Variants in MEGF6 observed in about 807,000 individuals in gnomAD.
MEGF6 encodes the protein multiple epidermal growth factor-like domains protein 6.
A neutral mutation model predicts 207.1 loss-of-function variants in MEGF6; 184 were observed. That is an observed-to-expected ratio of 0.89 (90% confidence interval 0.79 to 1.00). MEGF6 has a LOEUF of 1.00. Among genes scored for constraint, MEGF6 ranks in the 50% least tolerant of loss-of-function variants. The probability of loss-of-function intolerance (pLI) is 0.00; values close to 1 mark genes in which losing one functional copy is unlikely to be tolerated. For synonymous variants in MEGF6, 1,038 were observed against 910.0 expected (o/e 1.14, Z -2.53); for missense variants, 2,282 against 2,202.9 (o/e 1.04, Z -0.72).
intron 5 of MEGF6, among the ~76,000 whole-genome samples, chr1:3,521,470 A>G (rs986386070): frequency 2.6e-5 from 4 of 152,136 alleles, no homozygotes; most frequent in African/African-American, 9.7e-5. Context: ...GCCCTTGGCC[A>G]GGAGCTGAGA....
At chr1:3,546,611 G>T (rs1353189753) in intron 4 of MEGF6, among the ~76,000 whole-genome samples, 2 of 149,492 alleles carry the variant, frequency 1.3e-5, no homozygotes, top group African/African-American at 5.0e-5. Flanking sequence ...TGGGAAGGAG[G>T]GTGCCAGGGA....
At chr1:3,530,716 T>A (rs1473120124) in intron 4 of MEGF6, among the ~76,000 whole-genome samples, 1 of 152,002 alleles carries the variant, frequency 6.6e-6, no homozygotes, top group African/African-American at 2.4e-5. Flanking sequence ...GCTCCGGGGG[T>A]CTCAAAGGGC....
chr1:3,603,201 C>A (rs1473197158), intron 1 of MEGF6, among the ~76,000 whole-genome samples: 2 of 152,254 alleles, frequency 1.3e-5, no homozygotes, highest in African/African-American at 2.4e-5. Flanking sequence ...AGCCCAGAGG[C>A]TGCATAAACC....
chr1:3,541,814 G>T (rs983535506), intron 4 of MEGF6, among the ~76,000 whole-genome samples: 1 of 152,046 alleles, frequency 6.6e-6, no homozygotes, highest in Non-Finnish European at 1.5e-5. Context: ...GGGCACAGGG[G>T]CTCCCTGGGG....
intron 17 of MEGF6, among the ~76,000 whole-genome samples, chr1:3,503,616 CA>C (rs1354782303): frequency 6.6e-6 from 1 of 152,030 alleles, no homozygotes; most frequent in Non-Finnish European, 1.5e-5. Context: ...TCACAGGCAT[CA>C]GGGGAGGGTG....
chr1:3,615,704 T>C (rs933722998), upstream of MEGF6, among the ~76,000 whole-genome samples: 6 of 152,228 alleles, frequency 3.9e-5, no homozygotes, highest in Admixed American at 6.5e-5. Flanking sequence ...GCACCTGGCA[T>C]GGAAGCCCGC....
At chr1:3,496,131 C>T in intron 29 of MEGF6, 113 bp from the exon 30 acceptor site, 1 of 1,397,610 alleles carries the variant, frequency 7.2e-7, no homozygotes, top group Admixed American at 3.0e-5. Flanking sequence ...TGGGTCTGCC[C>T]CAGACAGGGT....
In MEGF6 at chr1:3,579,912, G is replaced by C; in HGVS notation, c.394C>G (p.Leu132Val). 6.5e-7 allele frequency: 1 copy of C among 1,534,642 alleles called. No homozygotes were observed. The highest frequency in any genetic ancestry group is 8.7e-7 in the Non-Finnish European group (1 of 1,148,966). Residue 132 changes from leucine to valine, a missense_variant, in exon 4 of 37, where the codon CTC (leucine) becomes GTC (valine). Transcript: ENST00000356575. The stretch of plus-strand genomic sequence containing the variant: ...ACACAACGGCCACCGTGAAAACAGA[G>C]GCTGGCGCTGCATTCAGCTGCGGAG... ...GCLSAECSAS[L>V]CFHGGRCVPG...
chr1:3,562,771 T>G (rs7525042), intron 4 of MEGF6, among the ~76,000 whole-genome samples: 64,419 of 152,024 alleles, frequency 0.42, 15,541 homozygotes, highest in African/African-American at 0.68. Flanking sequence ...GCCTCTGTTG[T>G]TCATGCACCT....
chr1:3,614,875 C>A (rs1289204346), upstream of MEGF6, among the ~76,000 whole-genome samples: 7 of 152,234 alleles, frequency 4.6e-5, no homozygotes, highest in Non-Finnish European at 1.0e-4. Context: ...GCCTCTTCAT[C>A]CTGAACTCAT....
At chr1:3,491,078 T>C in intron 35 of MEGF6, 119 bp from the exon 36 acceptor site, 1 of 669,992 alleles carries the variant, frequency 1.5e-6, no homozygotes, top group Non-Finnish European at 2.2e-6. Context: ...CCGCACAGTC[T>C]CCTTCCCTTC....
At chr1:3,491,037 C>A (rs1324780964) in intron 35 of MEGF6, 78 bp from the exon 36 acceptor site, 2 of 1,372,924 alleles carry the variant, frequency 1.5e-6, no homozygotes, top group African/African-American at 2.9e-5. Flanking sequence ...AGGCGTGACC[C>A]CATCCAGGCC....
At chr1:3,534,733 C>A (rs1417400373) in intron 4 of MEGF6, among the ~76,000 whole-genome samples, 1 of 152,140 alleles carries the variant, frequency 6.6e-6, no homozygotes, top group African/African-American at 2.4e-5. Context: ...TGTCCACCTC[C>A]TAAGCCATGG....
At chr1:3,523,479 G>A (rs1033384271) in intron 5 of MEGF6, among the ~76,000 whole-genome samples, 10 of 152,066 alleles carry the variant, frequency 6.6e-5, no homozygotes, top group Admixed American at 1.3e-4. Flanking sequence ...ACCTCCTCCA[G>A]CCCATTCCAA....
chr1:3,622,796 C>T, the MEGF6 span, among the ~76,000 whole-genome samples: 2 of 152,228 alleles, frequency 1.3e-5, no homozygotes, highest in South Asian at 4.1e-4. Flanking sequence ...GTTTTTAAAA[C>T]AGTTGTTGTT....
Position 3,536,129 on chromosome 1 carries a change from G to A in MEGF6, c.482-11883C>T, listed in dbSNP as rs913301450. 4.6e-5 allele frequency among the ~76,000 whole-genome samples: 7 copies of A among 152,110 alleles called. No individual in the cohort carries two copies. In the South Asian group the frequency reaches 1.2e-3, roughly 27 times the overall value. ...AGTCTAGACACTCACCCTTCCTCCC[G>A]CCCAACAGACCATGACCTCCGATGC... is the stretch of plus-strand genomic sequence containing the variant. On this transcript the variant is annotated intron_variant, in intron 4 of 36. Coordinates refer to ENST00000356575, the MANE Select transcript of MEGF6 (RefSeq NM_001409.4).
chr1:3,499,054 C>G, intron 24 of MEGF6, 84 bp downstream of exon 24: 1 of 1,536,134 alleles, frequency 6.5e-7, no homozygotes, highest in East Asian at 2.4e-5. Context: ...CCCCCAGGCA[C>G]CAAGTGTCCT....
Position 3,560,831 on chromosome 1 carries a change from C to A in MEGF6, c.481+18994G>T. 2.2e-6 allele frequency: 1 copy of A among 453,460 alleles called. No individual in the cohort carries two copies. Among genetic ancestry groups the A allele is most frequent in the South Asian group, 1.6e-5 (1 of 63,138 alleles). 28.1% of individuals were successfully genotyped at this position (453,460 alleles called of 1,614,324 possible). ...AGCAGCCAGGAACAGCCTCAGGCGT[C>A]GGCCGCGAGGGGGTTGCTGGGCTGG... On this transcript the variant is annotated intron_variant, in intron 4 of 36. Coordinates refer to ENST00000356575, the MANE Select transcript of MEGF6 (RefSeq NM_001409.4). This position sits in a 1 kb window ranked among gnomAD's most constrained non-coding sequence, Gnocchi z 4.0.
intron 5 of MEGF6, among the ~76,000 whole-genome samples, chr1:3,515,843 C>T (rs1056203127): frequency 6.6e-6 from 1 of 152,218 alleles, no homozygotes; most frequent in Non-Finnish European, 1.5e-5. Flanking sequence ...CCCAGCACCC[C>T]CCAGCACAGA....
Sources: gnomAD v4.1 joint callset for allele counts (sites outside exome capture counted in the v4.1 genomes callset) on GRCh38, gnomAD v4.1.1 for gene constraint, Gnocchi (gnomAD v3.1) non-coding constraint, MANE v1.5 for transcripts, NCBI Gene and HGNC (gene_info 2026-07-23, HGNC 2026-07-21) for gene names.